The following VPS41 variants were observed in gnomAD, a reference collection of about 807,000 sequenced individuals.
The protein encoded by VPS41 is vacuolar protein sorting-associated protein 41 homolog.
VPS41 carries 85 observed loss-of-function variants against 130.9 expected under a neutral mutation model. The ratio of observed to expected loss-of-function variants is 0.65; its 90% confidence interval spans 0.55 to 0.78. VPS41 has a LOEUF of 0.78. Among genes scored for constraint, VPS41 ranks in the 30% least tolerant of loss-of-function variants. The probability of loss-of-function intolerance (pLI) is 0.00; values close to 1 mark genes in which losing one functional copy is unlikely to be tolerated. For synonymous variants in VPS41, 335 were observed against 332.9 expected (o/e 1.01, Z -0.07); for missense variants, 874 against 1,018.7 (o/e 0.86, Z 1.93).
In VPS41 at chr7:38,795,557, C is replaced by T. The variant is rs1784603048; in HGVS notation, c.625G>A (p.Asp209Asn). ...SKQRITNVPR[D>N]DISLRPDMYP... ...ATGTCTGGGCGAAGACTTATATCAT[C>T]CCGGGGCACATTGGTGATTCTTTGC... Residue 209 changes from aspartate (D) to asparagine (N), a missense_variant, in exon 9 of 29, where the codon GAT (aspartate) becomes AAT (asparagine). Transcript: ENST00000310301. The T allele has an allele frequency of 6.2e-7, 1 of 1,613,404 alleles. No homozygotes were observed. The highest frequency in any genetic ancestry group is 8.5e-7 in the Non-Finnish European group (1 of 1,179,544).
chr7:38,841,193 C>T (rs1006531449), intron 4 of VPS41, among the ~76,000 whole-genome samples: 1 of 152,208 alleles, frequency 6.6e-6, no homozygotes, highest in African/African-American at 2.4e-5. Context: ...AACTGCATCA[C>T]AGTCATTCAA....
At chr7:38,834,243 T>C (rs750966049) in intron 4 of VPS41, among the ~76,000 whole-genome samples, 17 of 152,338 alleles carry the variant, frequency 1.1e-4, no homozygotes, top group Non-Finnish European at 1.9e-4. Flanking sequence ...CTTTGTAATA[T>C]TGAATCTTTT....
chr7:38,864,005 C>T (rs1158026564), intron 3 of VPS41, among the ~76,000 whole-genome samples: 2 of 152,146 alleles, frequency 1.3e-5, no homozygotes, highest in Non-Finnish European at 2.9e-5. Context: ...TACAGTGACA[C>T]TGACAATATT....
At chr7:38,767,121 ATTG>A (rs1490736746) in intron 15 of VPS41, among the ~76,000 whole-genome samples, 1 of 152,106 alleles carries the variant, frequency 6.6e-6, no homozygotes, top group Non-Finnish European at 1.5e-5. Flanking sequence ...TTTGACTACT[ATTG>A]TTGTAGCAGT....
At chr7:38,881,711 T>C (rs1786612753) in intron 2 of VPS41, among the ~76,000 whole-genome samples, 1 of 152,170 alleles carries the variant, frequency 6.6e-6, no homozygotes, top group Non-Finnish European at 1.5e-5. Flanking sequence ...GGAGTGGTCC[T>C]TGTTTCTGTT....
chr7:38,825,399 C>T (rs865840483), intron 5 of VPS41, among the ~76,000 whole-genome samples: 6 of 152,288 alleles, frequency 3.9e-5, no homozygotes, highest in East Asian at 1.9e-4. Flanking sequence ...GCTGCTCACA[C>T]GTTATACTAC....
rs73357795 is a variant in VPS41 at position 38,849,784 on chromosome 7, G to A, written c.246+12761C>T. Among the ~76,000 whole-genome samples the A allele has an allele frequency of 2.5e-3, 379 of 152,210 alleles. 4 individuals carry two copies. The highest frequency in any genetic ancestry group is 8.8e-3 in the African/African-American group (364 of 41,528). On this transcript the variant is annotated intron_variant, in intron 4 of 28. Transcript: ENST00000310301. ...GCACAGGATGGGGTGTGGCAGGACA[G>A]GGTGGTCTTGGGAAATGCAACATTT...
rs190864907 is a variant in VPS41 at position 38,817,934 on chromosome 7, A to G, written c.385-52T>C. The G allele has an allele frequency of 8.5e-4, 1,219 of 1,430,528 alleles. 7 individuals are homozygous for G. In the African/African-American group the frequency reaches 0.016, roughly 18 times the overall value. 88.6% of individuals were successfully genotyped at this position (1,430,528 alleles called of 1,614,324 possible). On this transcript the variant is annotated intron_variant, in intron 6 of 28. Coordinates refer to ENST00000310301, the MANE Select transcript of VPS41 (RefSeq NM_014396.4). ...GGTTTAGGAGTCATGGCCAATGCAC[A>G]GAATGAAAACCCCTGACACAGTTCA...
intron 14 of VPS41, among the ~76,000 whole-genome samples, chr7:38,770,971 G>A (rs1048954990): frequency 1.3e-5 from 2 of 152,094 alleles, no homozygotes; most frequent in African/African-American, 2.4e-5. Flanking sequence ...GTTTTCCACA[G>A]ATACAGTTTC....
chr7:38,725,967 AGACTT>A lies in VPS41; in HGVS notation c.*274_*278del. The A allele has an allele frequency of 3.3e-6, 1 of 306,172 alleles. No homozygotes were observed. Among genetic ancestry groups the A allele is most frequent in the Non-Finnish European group, 6.0e-6 (1 of 166,710 alleles). 19.0% of individuals were successfully genotyped at this position (306,172 alleles called of 1,614,324 possible). A position where few individuals can be genotyped will look rare whatever the true frequency, so the allele number is the denominator to read the frequency against. ...TCTAAAAAATTCATTTCTAACTCCT[AGACTT>A]ATGTTTCCATTACTATATAAAGAAT... On this transcript the variant is annotated 3_prime_UTR_variant, in exon 29 of 29. Transcript: ENST00000310301.
At chr7:38,778,583 T>A (rs1168547864) in intron 10 of VPS41, among the ~76,000 whole-genome samples, 1 of 152,206 alleles carries the variant, frequency 6.6e-6, no homozygotes, top group East Asian at 1.9e-4. Flanking sequence ...CTGGTAGAAA[T>A]GGACTTGCAT....
intron 25 of VPS41, among the ~76,000 whole-genome samples, chr7:38,739,126 T>C (rs138408399): frequency 6.6e-6 from 1 of 152,348 alleles, no homozygotes; most frequent in East Asian, 1.9e-4. Flanking sequence ...AGATTCCCAA[T>C]GCATACCAGC....
chr7:38,801,679 T>C (rs374255761), intron 7 of VPS41, among the ~76,000 whole-genome samples: 5 of 152,208 alleles, frequency 3.3e-5, no homozygotes, highest in East Asian at 3.9e-4. Flanking sequence ...TAAATCTTGT[T>C]CACTGAGATT....
In VPS41 at chr7:38,755,693, C is replaced by CT. The variant is rs1783776656; in HGVS notation, c.1696-758dup. 2.6e-5 allele frequency among the ~76,000 whole-genome samples: 4 copies of CT among 152,266 alleles called. No homozygotes were observed. The South Asian group carries it at 6.2e-4, about 24-fold the overall frequency. Reference sequence around the variant, plus strand: ...TAAGGTCTCTTCTAACCAGAAGACTCTGATTCCTTACATCTGGATCACATT... The same window carrying CT: ...TAAGGTCTCTTCTAACCAGAAGACTCTTGATTCCTTACATCTGGATCACATT... On this transcript the variant is annotated intron_variant, in intron 19 of 28. Transcript: ENST00000310301.
rs768543469 is a variant in VPS41, at chr7:38,772,592, T to C, written c.1058A>G (p.Asp353Gly). 2 of 1,613,604 alleles carry C rather than the reference T, an allele frequency of 1.2e-6. No individual in the cohort carries two copies. The highest frequency in any genetic ancestry group is 1.7e-5 in the Admixed American group (1 of 59,996). ...ESLFYIVSPR[D>G]VVVAKERDQD... is the part of the protein sequence containing the mutation. ...GTCTCGTTCCTTGGCCACTACAACA[T>C]CTCTCGGACTCACGATGTAAAAAAG... The change falls in exon 13 of 29, where the codon GAT becomes GGT. Residue 353 changes from aspartate to glycine, a missense_variant. By Grantham distance (94) the Asp-to-Gly change is moderately conservative. Transcript: ENST00000310301.
At chr7:38,821,300 A>G in intron 5 of VPS41, 35 bp from the exon 6 acceptor site, 1 of 1,487,798 alleles carries the variant, frequency 6.7e-7, no homozygotes, top group Non-Finnish European at 9.4e-7. Flanking sequence ...GCTCACCATG[A>G]CAGCAATAGA....
rs118029223 is a variant in VPS41, at chr7:38,788,309, T to G, written c.784+1492A>C. Among the ~76,000 whole-genome samples, 581 of 152,340 alleles carry G rather than the reference T, an allele frequency of 3.8e-3. 2 individuals carry two copies. The highest frequency in any genetic ancestry group is 5.7e-3 in the Admixed American group (87 of 15,304). ...CTGTAGAGTTAGATTCTATCCATTT[T>G]TAACGCTATAGTAGTAAGATCCTGG... is the stretch of plus-strand genomic sequence containing the variant. On this transcript the variant is annotated intron_variant, in intron 10 of 28. Coordinates refer to ENST00000310301, the MANE Select transcript of VPS41 (RefSeq NM_014396.4).
chr7:38,783,506 C>A lies in VPS41; in HGVS notation c.784+6295G>T, dbSNP rs182265628. Among the ~76,000 whole-genome samples, 351 of 152,110 alleles carry A rather than the reference C, an allele frequency of 2.3e-3. 2 individuals carry two copies. The highest frequency in any genetic ancestry group is 8.1e-3 in the African/African-American group (338 of 41,502). On this transcript the variant is annotated intron_variant, in intron 10 of 28. Coordinates refer to ENST00000310301, the MANE Select transcript of VPS41 (RefSeq NM_014396.4). ...CCGAGATTGTGCCACTGTACTCCAG[C>A]CTAGGCAACAGAGCGAAACTCTGTC... is the stretch of plus-strand genomic sequence containing the variant.
Position 38,726,207 on chromosome 7 carries a change from A to G in VPS41, c.*39T>C. ...TTTTGTTGTTGCAAAAACAGTCTCAAAAAGAGTGGTGACAAGGAGACTGAC... is the reference window on the plus strand; with the variant it reads ...TTTTGTTGTTGCAAAAACAGTCTCAGAAAGAGTGGTGACAAGGAGACTGAC... On this transcript the variant is annotated 3_prime_UTR_variant, in exon 29 of 29. Coordinates refer to ENST00000310301, the MANE Select transcript of VPS41 (RefSeq NM_014396.4). 1 of 1,434,760 alleles carries G rather than the reference A, an allele frequency of 7.0e-7. No homozygotes were observed. The highest frequency in any genetic ancestry group is 1.4e-5 in the African/African-American group (1 of 71,602). The allele number at this position is 1,434,760 out of a possible 1,614,324, so 88.9% of individuals were successfully genotyped here.
Sources: allele counts gnomAD v4.1 joint callset (sites outside exome capture counted in the v4.1 genomes callset), GRCh38; gene constraint gnomAD v4.1.1; transcripts MANE v1.5; gene names NCBI Gene and HGNC (gene_info 2026-07-23, HGNC 2026-07-21).